Variants in FBXO36 observed in about 807,000 individuals in gnomAD.
The protein encoded by FBXO36 is F-box protein 36.
In FBXO36, 18 loss-of-function variants were observed where a neutral mutation model predicts 17.0. The ratio of observed to expected loss-of-function variants is 1.06; its 90% confidence interval spans 0.73 to 1.57. The LOEUF (loss-of-function observed/expected upper bound fraction) is 1.57, where lower values mean the gene tolerates loss of function less well. FBXO36 is among the 40% of genes most tolerant of loss of function. The probability of loss-of-function intolerance (pLI) is 0.00; values close to 1 mark genes in which losing one functional copy is unlikely to be tolerated. For synonymous variants in FBXO36, 83 were observed against 85.3 expected, an observed-to-expected ratio of 0.97 and a Z score of 0.15; for missense variants, 229 against 221.9, an observed-to-expected ratio of 1.03 and a Z score of -0.20.
At chr2:229,931,065 C>T (rs982313100) in intron 1 of FBXO36, among the ~76,000 whole-genome samples, 5 of 152,114 alleles carry the variant, frequency 3.3e-5, no homozygotes, top group Admixed American at 1.3e-4. Flanking sequence ...GTTGTGAAAT[C>T]CCTTTTAGTC....
At chr2:229,934,026 G>C (rs1052041819) in intron 1 of FBXO36, among the ~76,000 whole-genome samples, 2 of 151,530 alleles carry the variant, frequency 1.3e-5, no homozygotes, top group Non-Finnish European at 2.9e-5. Flanking sequence ...AAAAAGTTTT[G>C]TGATTAGAAA....
intron 1 of FBXO36, among the ~76,000 whole-genome samples, chr2:229,964,679 C>A (rs1033797823): frequency 1.3e-5 from 2 of 152,302 alleles, no homozygotes; most frequent in Admixed American, 1.3e-4. Context: ...TGCCACCACG[C>A]CCGATTATTT....
At chr2:229,991,398 G>A (rs1244428633) in intron 2 of FBXO36, among the ~76,000 whole-genome samples, 1 of 152,262 alleles carries the variant, frequency 6.6e-6, no homozygotes, top group Admixed American at 6.5e-5. Context: ...AAGTAATTAA[G>A]GTTAAATAAG....
At position 230,012,081 on chromosome 2, in the gene FBXO36, T is replaced by C. The variant is rs937328782; in HGVS notation, c.*1197T>C. On this transcript the variant is annotated 3_prime_UTR_variant, in exon 4 of 4. Transcript: ENST00000283946. ...AGCTTTCTACTTCCACATCACATTA[T>C]AATATAGCCTTATAATTTCTTCTTT... The C allele has an allele frequency of 3.3e-5, 5 of 152,204 alleles. No homozygotes were observed. Among genetic ancestry groups the C allele is most frequent in the African/African-American group, 1.2e-4 (5 of 41,454 alleles). The allele number at this position is 152,204 out of a possible 1,614,324, so 9.4% of individuals were successfully genotyped here. A position where few individuals can be genotyped will look rare whatever the true frequency, so the allele number is the denominator to read the frequency against.
chr2:229,995,532 C>T (rs928300180), intron 2 of FBXO36, among the ~76,000 whole-genome samples: 2 of 150,978 alleles, frequency 1.3e-5, no homozygotes, highest in African/African-American at 4.9e-5. Context: ...TTCTCTTTGC[C>T]TCTTTATATT....
intron 3 of FBXO36, among the ~76,000 whole-genome samples, chr2:230,005,814 T>C (rs6732130): frequency 0.74 from 113,116 of 151,870 alleles, 42,366 homozygotes; most frequent in Middle Eastern, 0.84. Context: ...ATTACAGGTG[T>C]CCTCCTCCAT....
At position 230,012,475 on chromosome 2, in the gene FBXO36, G is replaced by A. The variant is rs2106222734; in HGVS notation, c.*1591G>A. 1 of 147,208 alleles carries A rather than the reference G, an allele frequency of 6.8e-6. No homozygotes were observed. The highest frequency in any genetic ancestry group is 2.1e-4 in the South Asian group (1 of 4,822). 9.1% of individuals were successfully genotyped at this position (147,208 alleles called of 1,614,324 possible). A position where few individuals can be genotyped will look rare whatever the true frequency, so the allele number is the denominator to read the frequency against. On this transcript the variant is annotated 3_prime_UTR_variant, in exon 4 of 4. Transcript: ENST00000283946. ...CAATCTGCTTCCCAGCAGATGAGGAGCCTGACGTGGTTATGTCTGGATTTA... is the reference window on the plus strand; with the variant it reads ...CAATCTGCTTCCCAGCAGATGAGGAACCTGACGTGGTTATGTCTGGATTTA...
intron 2 of FBXO36, among the ~76,000 whole-genome samples, chr2:229,978,796 A>C (rs2077223096): frequency 6.6e-6 from 1 of 152,184 alleles, no homozygotes; most frequent in South Asian, 2.1e-4. Context: ...AGGACTAAGC[A>C]TTGAAACTCA....
intron 2 of FBXO36, among the ~76,000 whole-genome samples, chr2:229,978,245 G>A (rs1265566082): frequency 1.3e-5 from 2 of 152,084 alleles, no homozygotes; most frequent in Non-Finnish European, 2.9e-5. Context: ...CCCTGATCAT[G>A]CCACTGCACT....
intron 2 of FBXO36, among the ~76,000 whole-genome samples, chr2:229,995,068 C>T (rs944556004): frequency 4.1e-4 from 63 of 151,924 alleles, no homozygotes; most frequent in African/African-American, 1.5e-3. Context: ...GAGCTGAGAT[C>T]GTGCCACTGC....
chr2:229,949,586 T>C (rs1300979006), intron 1 of FBXO36, among the ~76,000 whole-genome samples: 2 of 151,740 alleles, frequency 1.3e-5, no homozygotes, highest in Non-Finnish European at 2.9e-5. Flanking sequence ...TGTAAGTATA[T>C]AGATGCTGAG....
At chr2:229,958,425 G>C (rs564845936) in intron 1 of FBXO36, among the ~76,000 whole-genome samples, 98 of 151,768 alleles carry the variant, frequency 6.5e-4, no homozygotes, top group Non-Finnish European at 1.3e-3. Flanking sequence ...CGCCCGCCAC[G>C]GCGCCCGGCT....
At chr2:229,971,683 T>C (rs976188154) in intron 1 of FBXO36, among the ~76,000 whole-genome samples, 2 of 151,998 alleles carry the variant, frequency 1.3e-5, no homozygotes, top group South Asian at 4.2e-4. Context: ...TTGAAGATAA[T>C]TAATTTAACT....
At chr2:229,933,630 C>G (rs1007343197) in intron 1 of FBXO36, among the ~76,000 whole-genome samples, 3 of 152,120 alleles carry the variant, frequency 2.0e-5, no homozygotes, top group Non-Finnish European at 2.9e-5. Context: ...AAGGCTGAGG[C>G]AGAAAGCTTG....
At chr2:229,990,479 A>G (rs927406135) in intron 2 of FBXO36, among the ~76,000 whole-genome samples, 4 of 152,056 alleles carry the variant, frequency 2.6e-5, no homozygotes, top group African/African-American at 9.7e-5. Flanking sequence ...TATATGAAAT[A>G]ATTTCTATAC....
At chr2:229,929,482 C>T (rs1036899709) in intron 1 of FBXO36, among the ~76,000 whole-genome samples, 16 of 151,890 alleles carry the variant, frequency 1.1e-4, no homozygotes, top group African/African-American at 3.9e-4. Context: ...AGGAGAATGG[C>T]TTGAACCTGG....
chr2:229,967,288 G>T (rs2077158164), intron 1 of FBXO36, among the ~76,000 whole-genome samples: 1 of 152,180 alleles, frequency 6.6e-6, no homozygotes, highest in African/African-American at 2.4e-5. Flanking sequence ...CTGAGACAAT[G>T]GGGTTTTCTA....
intron 1 of FBXO36, among the ~76,000 whole-genome samples, chr2:229,968,899 G>T (rs1400268997): frequency 6.6e-6 from 1 of 151,228 alleles, no homozygotes; most frequent in Non-Finnish European, 1.5e-5. Flanking sequence ...TCAGCCTCCC[G>T]AGTAGCTGAG....
intron 2 of FBXO36, among the ~76,000 whole-genome samples, chr2:229,982,088 A>G (rs2077243477): frequency 6.6e-6 from 1 of 151,590 alleles, no homozygotes; most frequent in Non-Finnish European, 1.5e-5. Context: ...GAGTGGGGCC[A>G]TCCTGGCTCA....
Sources: gnomAD v4.1 joint callset for allele counts (sites outside exome capture counted in the v4.1 genomes callset) on GRCh38, gnomAD v4.1.1 for gene constraint, MANE v1.5 for transcripts, NCBI Gene and HGNC (gene_info 2026-07-23, HGNC 2026-07-21) for gene names.